ANTXR1: variants seen among roughly 807,000 people sequenced by gnomAD.
ANTXR1 encodes the protein anthrax toxin receptor 1.
A neutral mutation model predicts 78.1 loss-of-function variants in ANTXR1; 19 were observed. The observed-to-expected ratio is 0.24, with a 90% confidence interval of 0.17 to 0.36. The LOEUF is 0.36. ANTXR1 is among the 10% of genes least tolerant of loss of function. The pLI is 1.00. For missense variants in ANTXR1, 518 were observed against 718.6 expected, an observed-to-expected ratio of 0.72 and a Z score of 3.19; for synonymous variants, 273 against 260.5, an observed-to-expected ratio of 1.05 and a Z score of -0.46.
intron 3 of ANTXR1, among the ~76,000 whole-genome samples, chr2:69,048,588 G>T (rs1385672065): frequency 6.6e-6 from 1 of 152,140 alleles, no homozygotes; most frequent in Non-Finnish European, 1.5e-5. Context: ...TGATTAGCCA[G>T]TTCTTCCCAC....
At chr2:69,087,196 C>T (rs970622060) in intron 8 of ANTXR1, among the ~76,000 whole-genome samples, 3 of 152,186 alleles carry the variant, frequency 2.0e-5, no homozygotes, top group African/African-American at 7.2e-5. Flanking sequence ...TCTATCTTCT[C>T]AGTCTCCAGA....
intron 3 of ANTXR1, among the ~76,000 whole-genome samples, chr2:69,061,349 G>A (rs1437424776): frequency 1.3e-5 from 2 of 152,158 alleles, no homozygotes; most frequent in African/African-American, 2.4e-5. Flanking sequence ...AACAAATGTT[G>A]CTACTTCCAG....
intron 10 of ANTXR1, among the ~76,000 whole-genome samples, chr2:69,119,384 G>T (rs1452326127): frequency 6.6e-6 from 1 of 152,210 alleles, no homozygotes; most frequent in African/African-American, 2.4e-5. Flanking sequence ...GGCTGGCTAT[G>T]TGGACAGGAA....
At chr2:69,017,076 C>T (rs1671047611) in intron 1 of ANTXR1, among the ~76,000 whole-genome samples, 1 of 152,168 alleles carries the variant, frequency 6.6e-6, no homozygotes. Context: ...TATTTTTGTG[C>T]TGAATGAAAA....
chr2:69,100,996 GAT>G (rs1482762200), intron 9 of ANTXR1, among the ~76,000 whole-genome samples: 1 of 152,120 alleles, frequency 6.6e-6, no homozygotes, highest in Non-Finnish European at 1.5e-5. Flanking sequence ...TTAGCTTTTG[GAT>G]ATGAGTCCCA....
chr2:69,212,309 TTTGA>T (rs1189563581), intron 17 of ANTXR1, among the ~76,000 whole-genome samples: 1 of 152,248 alleles, frequency 6.6e-6, no homozygotes, highest in Middle Eastern at 3.4e-3. Flanking sequence ...GACGTGGTAC[TTTGA>T]TTGAGTGTAG....
rs903254321 is a variant in ANTXR1, at chr2:69,248,461, C to T, written c.*2976C>T. ...CTTGTTTGCACAGCATTAATAAGAA[C>T]CTTGATAAGAACCATATTCTGTTGA... On this transcript the variant is annotated 3_prime_UTR_variant, in exon 18 of 18. Transcript: ENST00000303714. The T allele has an allele frequency of 3.9e-5, 6 of 152,826 alleles. No homozygotes were observed. The highest frequency in any genetic ancestry group is 1.2e-4 in the African/African-American group (5 of 41,422). 9.5% of individuals were successfully genotyped at this position (152,826 alleles called of 1,614,324 possible). A position where few individuals can be genotyped will look rare whatever the true frequency, so the allele number is the denominator to read the frequency against.
chr2:69,151,186 C>CTTTTTTTTTTTTT lies in ANTXR1; in HGVS notation c.952-972_952-960dup, dbSNP rs59147668. On this transcript the variant is annotated intron_variant, in intron 12 of 17. Transcript: ENST00000303714. The stretch of plus-strand genomic sequence containing the variant: ...CTGTACAAACATATCTGATTATTTT[C>CTTTTTTTTTTTTT]TTTTTTTTTTTTTTTTTTTTTTTGA... Among the ~76,000 whole-genome samples, 41 of 82,568 alleles carry CTTTTTTTTTTTTT rather than the reference C, an allele frequency of 5.0e-4. 1 individual carries two copies. Among genetic ancestry groups the CTTTTTTTTTTTTT allele is most frequent in the East Asian group, 1.9e-3 (5 of 2,636 alleles). 54.2% of individuals were successfully genotyped at this position (82,568 alleles called of 152,430 possible).
At chr2:69,225,659 A>T (rs1331588122) in intron 17 of ANTXR1, among the ~76,000 whole-genome samples, 3 of 151,992 alleles carry the variant, frequency 2.0e-5, no homozygotes, top group Non-Finnish European at 2.9e-5. Context: ...AGCAAGGGAG[A>T]TGGGATGCAG....
chr2:69,246,542 A>G lies in ANTXR1; in HGVS notation c.*1057A>G, dbSNP rs1676026248. On this transcript the variant is annotated 3_prime_UTR_variant, in exon 18 of 18. Transcript: ENST00000303714. ...AGACTTCTGGGCAGAGCTGAGAGAC[A>G]ATGGTCCTGACATAATAAGGATCTT... The G allele has an allele frequency of 6.6e-6, 1 of 152,210 alleles. No individual in the cohort carries two copies. The highest frequency in any genetic ancestry group is 6.5e-5 in the Admixed American group (1 of 15,282). 9.4% of individuals were successfully genotyped at this position (152,210 alleles called of 1,614,324 possible). A position where few individuals can be genotyped will look rare whatever the true frequency, so the allele number is the denominator to read the frequency against.
intron 10 of ANTXR1, among the ~76,000 whole-genome samples, chr2:69,107,539 CAAGAAA>C (rs1320108349): frequency 6.6e-6 from 1 of 151,802 alleles, no homozygotes; most frequent in Non-Finnish European, 1.5e-5. Flanking sequence ...CACACCCAGC[CAAGAAA>C]AAGCATATAA....
At chr2:69,177,504 A>G (rs1451002533) in intron 14 of ANTXR1, among the ~76,000 whole-genome samples, 1 of 152,162 alleles carries the variant, frequency 6.6e-6, no homozygotes, top group Non-Finnish European at 1.5e-5. Flanking sequence ...CCATCTGAGG[A>G]ATGTGCTGCC....
chr2:69,013,591 G>T lies in ANTXR1; in HGVS notation c.92G>T (p.Arg31Leu), dbSNP rs369388284. Residue 31 changes from arginine to leucine, a missense_variant, in exon 1 of 18, where the codon CGC becomes CTC. Arg to Leu is a moderately radical substitution (Grantham distance 102, BLOSUM62 -2). This residue lies in a region of ANTXR1 where 55 missense variants were observed against 52.5 expected (regional missense o/e 1.05). Coordinates refer to ENST00000303714, the MANE Select transcript of ANTXR1 (RefSeq NM_032208.3). This position sits in a 1 kb window ranked among gnomAD's most constrained non-coding sequence, Gnocchi z 5.0. ...CTCATCTGCGCCGGGCAAGGGGGACGCAGGGAGGATGGGGGTCCAGCCTGC... is the reference window on the plus strand; with the variant it reads ...CTCATCTGCGCCGGGCAAGGGGGACTCAGGGAGGATGGGGGTCCAGCCTGC... ...LVLICAGQGGRREDGGPACYG... is the reference protein window; with the variant it reads ...LVLICAGQGGLREDGGPACYG... The T allele has an allele frequency of 2.4e-5, 38 of 1,564,818 alleles. No individual in the cohort carries two copies. The highest frequency in any genetic ancestry group is 3.0e-5 in the Non-Finnish European group (35 of 1,153,928).
At chr2:69,063,321 AT>A (rs1488294851) in intron 3 of ANTXR1, among the ~76,000 whole-genome samples, 3 of 152,166 alleles carry the variant, frequency 2.0e-5, no homozygotes, top group Non-Finnish European at 4.4e-5. Flanking sequence ...CATTAAAAAA[AT>A]AACTTACTTT....
chr2:69,158,681 G>A (rs562541915), intron 13 of ANTXR1, among the ~76,000 whole-genome samples: 1 of 152,324 alleles, frequency 6.6e-6, no homozygotes, highest in South Asian at 2.1e-4. Flanking sequence ...ACATGAGATA[G>A]TCAATACTTG....
chr2:69,240,067 G>T (rs1675859182), intron 17 of ANTXR1, among the ~76,000 whole-genome samples: 1 of 152,244 alleles, frequency 6.6e-6, no homozygotes, highest in Non-Finnish European at 1.5e-5. Context: ...TGTCCAAGGA[G>T]ACCATGGGGA....
At chr2:69,134,950 C>A in intron 12 of ANTXR1, 1 of 323,504 alleles carries the variant, frequency 3.1e-6, no homozygotes. Flanking sequence ...TTACAATGTC[C>A]CAGTATTTTT....
At chr2:69,168,929 C>A (rs1257264555) in intron 13 of ANTXR1, among the ~76,000 whole-genome samples, 1 of 152,248 alleles carries the variant, frequency 6.6e-6, no homozygotes, top group Non-Finnish European at 1.5e-5. Flanking sequence ...ACCATACTTT[C>A]AGAGGACTGG....
At chr2:69,037,331 T>C (rs887579055) in intron 1 of ANTXR1, among the ~76,000 whole-genome samples, 5 of 152,182 alleles carry the variant, frequency 3.3e-5, no homozygotes, top group African/African-American at 1.2e-4. Context: ...TTAAGACCGA[T>C]TGCCACCCAG....
Sources: gnomAD v4.1 joint callset for allele counts (sites outside exome capture counted in the v4.1 genomes callset) on GRCh38, gnomAD v4.1.1 for gene constraint, gnomAD v4.1.1 regional missense constraint, Gnocchi (gnomAD v3.1) non-coding constraint, MANE v1.5 for transcripts, NCBI Gene and HGNC (gene_info 2026-07-23, HGNC 2026-07-21) for gene names.